CLIP4: variants seen among roughly 807,000 people sequenced by gnomAD.
CLIP4 encodes the protein CAP-Gly domain containing linker protein family member 4, also known as CAP-Gly domain-containing linker protein 4.
In CLIP4, 47 loss-of-function variants were observed where a neutral mutation model predicts 73.1. The observed-to-expected ratio is 0.64, with a 90% CI of 0.51 to 0.82. The LOEUF is 0.82. Among genes scored for constraint, CLIP4 ranks in the 40% least tolerant of loss-of-function variants. The pLI is 0.00. For synonymous variants in CLIP4, 306 were observed against 295.4 expected (o/e 1.04, Z -0.37); for missense variants, 874 against 852.9 (o/e 1.02, Z -0.31).
chr2:29,141,312 G>T (rs567823819), intron 6 of CLIP4, among the ~76,000 whole-genome samples: 1 of 152,214 alleles, frequency 6.6e-6, no homozygotes, highest in South Asian at 2.1e-4. Context: ...GTTGTTGGGT[G>T]GAGTATTCTT....
intron 14 of CLIP4, among the ~76,000 whole-genome samples, chr2:29,173,865 A>C (rs1472240794): frequency 2.0e-5 from 3 of 152,220 alleles, no homozygotes; most frequent in African/African-American, 4.8e-5. Context: ...TGTATCTTTT[A>C]AACCATTTTA....
At chr2:29,155,086 T>C (rs1572978065) in intron 9 of CLIP4, among the ~76,000 whole-genome samples, 1 of 152,294 alleles carries the variant, frequency 6.6e-6, no homozygotes, top group South Asian at 2.1e-4. Flanking sequence ...TGAGATGACA[T>C]GGACATTGCA....
At chr2:29,157,722 A>G (rs1358302970) in intron 11 of CLIP4, among the ~76,000 whole-genome samples, 6 of 152,214 alleles carry the variant, frequency 3.9e-5, no homozygotes, top group Non-Finnish European at 8.8e-5. Context: ...CTCTCCCAGG[A>G]TGGCAATACC....
At chr2:29,102,646 GACAGAGTCTCACTCTGTC>G (rs1668084126) in intron 1 of CLIP4, among the ~76,000 whole-genome samples, 1 of 149,614 alleles carries the variant, frequency 6.7e-6, no homozygotes. Context: ...TTTTTTTTGA[GACAGAGTCTCACTCTGTC>G]ACCCAGGCTG....
Position 29,160,381 on chromosome 2 carries a change from G to A in CLIP4, c.1448G>A (p.Gly483Glu), listed in dbSNP as rs1398728616. 6.2e-7 allele frequency: 1 copy of A among 1,614,116 alleles called. No individual in the cohort carries two copies. Among genetic ancestry groups the A allele is most frequent in the African/African-American group, 1.3e-5 (1 of 75,040 alleles). ...ACAGCAAATAATAGCCGTTGCGAGGGGGAACTCCGCCTCGGAGAGAGAGTG... is the reference window on the plus strand; with the variant it reads ...ACAGCAAATAATAGCCGTTGCGAGGAGGAACTCCGCCTCGGAGAGAGAGTG... Reference protein sequence around the residue: ...TSTANNSRCEGELRLGERVLV... With the variant: ...TSTANNSRCEEELRLGERVLV... Residue 483 changes from glycine to glutamate, a missense_variant, in exon 12 of 16, where the codon GGG becomes GAG. Gly to Glu is a moderately conservative substitution (Grantham distance 98). Coordinates refer to ENST00000320081, the MANE Select transcript of CLIP4 (RefSeq NM_024692.6).
rs1193406611 is a variant in CLIP4 at position 29,181,817 on chromosome 2, A to G, written c.2042A>G (p.His681Arg). The G allele has an allele frequency of 6.2e-7, 1 of 1,614,092 alleles. No individual in the cohort carries two copies. The highest frequency in any genetic ancestry group is 1.7e-5 in the Admixed American group (1 of 60,004). The stretch of plus-strand genomic sequence containing the variant: ...CGCTATTTCACCTGTAAGCCGAACC[A>G]TGGAGTCTTAGTTCGACCGAGCAGA... ...DKRYFTCKPN[H>R]GVLVRPSRVT... Residue 681 changes from histidine (H) to arginine (R), a missense_variant, in exon 16 of 16, where the codon CAT becomes CGT. Transcript: ENST00000320081.
Position 29,181,695 on chromosome 2 carries a change from T to C in CLIP4, c.1920T>C (p.Val640=). The change falls in exon 16 of 16, where the codon GTT becomes GTC. Residue 640 remains valine (V), a synonymous_variant. Transcript: ENST00000320081. ...LLTSSNEMGT[V]RYVGPTDFAS... ...CGAGCTCCAATGAGATGGGTACTGTTAGGTATGTGGGCCCCACTGACTTTG... is the reference window on the plus strand; with the variant it reads ...CGAGCTCCAATGAGATGGGTACTGTCAGGTATGTGGGCCCCACTGACTTTG... 1 of 1,614,118 alleles carries C rather than the reference T, an allele frequency of 6.2e-7. No homozygotes were observed. Among genetic ancestry groups the C allele is most frequent in the Non-Finnish European group, 8.5e-7 (1 of 1,180,024 alleles).
chr2:29,163,213 G>A (rs1268506452), intron 12 of CLIP4, among the ~76,000 whole-genome samples: 4 of 151,328 alleles, frequency 2.6e-5, no homozygotes, highest in Admixed American at 2.6e-4. Flanking sequence ...AATACAAAAA[G>A]TCTTTAAAAT....
rs748483674 is a variant in CLIP4, at chr2:29,131,243, C to CT, written c.134-8dup. On this transcript the variant is annotated splice_polypyrimidine_tract_variant and intron_variant, in intron 2 of 15. Coordinates refer to ENST00000320081, the MANE Select transcript of CLIP4 (RefSeq NM_024692.6). Reference sequence around the variant, plus strand: ...AACTTTTAGTAAATTTAATTTGCATCTTTTTTTATTTCAGAATTTTCTTTC... The same window carrying CT: ...AACTTTTAGTAAATTTAATTTGCATCTTTTTTTTATTTCAGAATTTTCTTTC... The CT allele has an allele frequency of 2.7e-5, 42 of 1,575,542 alleles. No individual in the cohort carries two copies. Among genetic ancestry groups the CT allele is most frequent in the Admixed American group, 5.3e-5 (3 of 56,198 alleles).
At chr2:29,147,845 T>C (rs1666274384) in intron 8 of CLIP4, among the ~76,000 whole-genome samples, 1 of 152,182 alleles carries the variant, frequency 6.6e-6, no homozygotes. Flanking sequence ...TACTTAATTA[T>C]GTAATCCATT....
intron 8 of CLIP4, 70 bp downstream of exon 8, chr2:29,145,437 T>A: frequency 7.5e-7 from 1 of 1,330,652 alleles, no homozygotes. Context: ...TTTACAGTTG[T>A]TAAATAAAAC....
intron 2 of CLIP4, among the ~76,000 whole-genome samples, chr2:29,126,950 A>G (rs1006844425): frequency 6.6e-5 from 10 of 152,224 alleles, no homozygotes; most frequent in Non-Finnish European, 1.2e-4. Context: ...CTCAAAGACA[A>G]TAAACAGGAC....
intron 2 of CLIP4, among the ~76,000 whole-genome samples, chr2:29,122,710 T>C (rs1664341261): frequency 6.6e-6 from 1 of 151,266 alleles, no homozygotes; most frequent in African/African-American, 2.4e-5. Flanking sequence ...GCCTATATTG[T>C]CAGCTACTCA....
chr2:29,139,116 G>C (rs965984264), intron 6 of CLIP4, among the ~76,000 whole-genome samples: 1 of 152,010 alleles, frequency 6.6e-6, no homozygotes, highest in East Asian at 1.9e-4. Flanking sequence ...TGCCCGTTCA[G>C]TATGATGTTG....
At chr2:29,180,457 G>A (rs1573058801) in intron 15 of CLIP4, among the ~76,000 whole-genome samples, 2 of 152,138 alleles carry the variant, frequency 1.3e-5, no homozygotes, top group East Asian at 1.9e-4. Flanking sequence ...TATGTTGTAG[G>A]GAGAAGGAGA....
chr2:29,107,358 G>GTTTTTTTGTTTTTTTTTTT (rs1668240373), intron 1 of CLIP4, among the ~76,000 whole-genome samples: 1 of 65,352 alleles, frequency 1.5e-5, no homozygotes, highest in Non-Finnish European at 3.0e-5. Context: ...GAACATGATA[G>GTTTTTTTGTTTTTTTTTTT]TTTTTTTTTT....
intron 15 of CLIP4, among the ~76,000 whole-genome samples, chr2:29,177,762 G>A (rs1668429585): frequency 6.6e-6 from 1 of 152,088 alleles, no homozygotes; most frequent in African/African-American, 2.4e-5. Context: ...CTTTATTGTA[G>A]TATTTATAAC....
chr2:29,179,857 T>G (rs529535200), intron 15 of CLIP4, among the ~76,000 whole-genome samples: 123 of 152,334 alleles, frequency 8.1e-4, no homozygotes, highest in African/African-American at 2.8e-3. Context: ...ATTTGTGCAT[T>G]TGACATGTAA....
At chr2:29,120,506 T>C (rs1364200997) in intron 1 of CLIP4, among the ~76,000 whole-genome samples, 1 of 152,192 alleles carries the variant, frequency 6.6e-6, no homozygotes, top group East Asian at 1.9e-4. Context: ...ATTCTGTGCT[T>C]TCTACTGAAA....
Sources: allele counts gnomAD v4.1 joint callset (sites outside exome capture counted in the v4.1 genomes callset), GRCh38; gene constraint gnomAD v4.1.1; transcripts MANE v1.5; gene names NCBI Gene and HGNC (gene_info 2026-07-23, HGNC 2026-07-21).